The following SPTLC3 variants were observed in gnomAD, a reference collection of about 807,000 sequenced individuals.
SPTLC3 encodes serine palmitoyltransferase long chain base subunit 3, also known as serine palmitoyltransferase 3.
SPTLC3 carries 36 observed loss-of-function variants against 59.3 expected under a neutral mutation model. That is an observed-to-expected ratio of 0.61 (90% confidence interval 0.47 to 0.80). The LOEUF is 0.80. Ranked by LOEUF, SPTLC3 falls within the 30% of genes least tolerant of loss-of-function variation. The pLI is 0.00. For missense variants in SPTLC3, 625 were observed against 685.1 expected, an observed-to-expected ratio of 0.91 and a Z score of 0.98; for synonymous variants, 257 against 240.8, an observed-to-expected ratio of 1.07 and a Z score of -0.62.
intron 8 of SPTLC3, among the ~76,000 whole-genome samples, chr20:13,120,711 C>T (rs1990856721): frequency 6.6e-6 from 1 of 152,194 alleles, no homozygotes; most frequent in Non-Finnish European, 1.5e-5. Flanking sequence ...GACGATACTA[C>T]TAGAGGAAAC....
At chr20:13,109,101 A>G (rs1485835009) in intron 6 of SPTLC3, among the ~76,000 whole-genome samples, 1 of 152,236 alleles carries the variant, frequency 6.6e-6, no homozygotes, top group Non-Finnish European at 1.5e-5. Context: ...ACACATGTAC[A>G]TATATACCAA....
intron 1 of SPTLC3, among the ~76,000 whole-genome samples, chr20:13,022,907 G>T (rs148469865): frequency 8.3e-4 from 126 of 152,118 alleles, no homozygotes; most frequent in Non-Finnish European, 1.6e-3. Context: ...TACTTACCAC[G>T]ACCATAAGGC....
intron 1 of SPTLC3, among the ~76,000 whole-genome samples, chr20:13,032,417 A>T (rs1302193469): frequency 6.6e-6 from 1 of 152,176 alleles, no homozygotes; most frequent in African/African-American, 2.4e-5. Context: ...TTTCTTTCAC[A>T]ACTACCTGAA....
At chr20:13,045,254 G>A (rs924715970) in intron 1 of SPTLC3, among the ~76,000 whole-genome samples, 1 of 152,068 alleles carries the variant, frequency 6.6e-6, no homozygotes, top group African/African-American at 2.4e-5. Context: ...CATCCCAAAC[G>A]ACTAGATACT....
intron 2 of SPTLC3, among the ~76,000 whole-genome samples, chr20:13,052,231 AG>A (rs1254135449): frequency 2.0e-5 from 3 of 152,152 alleles, no homozygotes; most frequent in Admixed American, 6.5e-5. Flanking sequence ...GGCAAGCCGA[AG>A]CAGGGTGCGG....
Position 13,069,161 on chromosome 20 carries a change from T to C in SPTLC3, c.304-3095T>C, listed in dbSNP as rs1185103454. Among the ~76,000 whole-genome samples, 4 of 152,176 alleles carry C rather than the reference T, an allele frequency of 2.6e-5. No individual in the cohort carries two copies. The East Asian group carries it at 5.8e-4, about 22-fold the overall frequency. ...TAGTCTGGCAACCTGCTGGCCCTAGTTTTCCATATCACGGGCCAGGGTTTT... is the reference window on the plus strand; with the variant it reads ...TAGTCTGGCAACCTGCTGGCCCTAGCTTTCCATATCACGGGCCAGGGTTTT... On this transcript the variant is annotated intron_variant, in intron 2 of 11. Transcript: ENST00000399002.
intron 1 of SPTLC3, among the ~76,000 whole-genome samples, chr20:13,028,578 C>T (rs933019929): frequency 3.3e-5 from 5 of 152,092 alleles, no homozygotes; most frequent in African/African-American, 1.2e-4. Flanking sequence ...ATATGTTACA[C>T]ATATATATCA....
At chr20:13,024,719 T>C (rs937721656) in intron 1 of SPTLC3, among the ~76,000 whole-genome samples, 1 of 152,180 alleles carries the variant, frequency 6.6e-6, no homozygotes, top group Non-Finnish European at 1.5e-5. Flanking sequence ...AACTGGCTAA[T>C]GTGTAAATCA....
intron 1 of SPTLC3, among the ~76,000 whole-genome samples, chr20:13,047,357 C>T (rs1431440): frequency 1 from 151,595 of 152,250 alleles, 75,475 homozygotes; most frequent in Middle Eastern, 1. Flanking sequence ...CAAATGTACA[C>T]GATTTAATAT....
intron 4 of SPTLC3, among the ~76,000 whole-genome samples, chr20:13,086,472 T>C (rs1989008242): frequency 2.0e-5 from 3 of 152,220 alleles, no homozygotes; most frequent in Admixed American, 2.0e-4. Context: ...CCTAGGAATC[T>C]TTCAGGTTTG....
intron 9 of SPTLC3, among the ~76,000 whole-genome samples, chr20:13,127,447 A>G (rs973667108): frequency 6.6e-6 from 1 of 152,150 alleles, no homozygotes; most frequent in African/African-American, 2.4e-5. Context: ...GGACTGTACA[A>G]TCTATGTGCC....
At chr20:13,075,080 A>G (rs1319692055) in intron 4 of SPTLC3, among the ~76,000 whole-genome samples, 2 of 151,554 alleles carry the variant, frequency 1.3e-5, no homozygotes, top group Non-Finnish European at 2.9e-5. Flanking sequence ...GTTCTTATAG[A>G]GTGCTTTTCA....
Position 13,049,108 on chromosome 20 carries a change from C to T in SPTLC3, c.281C>T (p.Ala94Val), listed in dbSNP as rs1404300009. ...RNWGIEKCNA[A>V]VERKEQKDFV... Reference sequence around the variant, plus strand: ...TGGGGAATAGAAAAATGCAACGCAGCTGTGGAAAGAAAAGAACAAAAAGTA... The same window carrying T: ...TGGGGAATAGAAAAATGCAACGCAGTTGTGGAAAGAAAAGAACAAAAAGTA... The change falls in exon 2 of 12, where the codon GCT (alanine) becomes GTT (valine). Residue 94 changes from alanine to valine, a missense_variant. Physicochemically the swap from Ala to Val is moderately conservative, Grantham distance 64 (BLOSUM62 0). Transcript: ENST00000399002. The T allele has an allele frequency of 1.2e-6, 2 of 1,613,550 alleles. No homozygotes were observed. The highest frequency in any genetic ancestry group is 1.1e-5 in the South Asian group (1 of 91,026).
chr20:13,093,126 G>T (rs1989287940), intron 5 of SPTLC3, among the ~76,000 whole-genome samples: 1 of 152,150 alleles, frequency 6.6e-6, no homozygotes, highest in African/African-American at 2.4e-5. Flanking sequence ...AATCTCTCAT[G>T]GAAGTGCCCC....
rs573944233 is a variant in SPTLC3 at position 13,145,276 on chromosome 20, C to T, written c.1280-8727C>T. 9.2e-5 allele frequency among the ~76,000 whole-genome samples: 14 copies of T among 152,210 alleles called. 1 individual carries two copies. In the South Asian group the frequency reaches 2.7e-3, roughly 29 times the overall value. On this transcript the variant is annotated intron_variant, in intron 9 of 11. Transcript: ENST00000399002. ...GCCCCAAAGCCCCTCAGCTGATAAA[C>T]GACTTCAGCAAAGTTGCAGGAAACA...
chr20:13,037,888 C>T (rs539832242), intron 1 of SPTLC3, among the ~76,000 whole-genome samples: 38 of 152,050 alleles, frequency 2.5e-4, no homozygotes, highest in African/African-American at 8.0e-4. Flanking sequence ...CAAGATTCAA[C>T]GGTAGAGGAA....
intron 9 of SPTLC3, among the ~76,000 whole-genome samples, chr20:13,150,513 C>T (rs542318165): frequency 2.5e-4 from 38 of 152,302 alleles, no homozygotes; most frequent in Non-Finnish European, 5.0e-4. Context: ...AGAGTTCCAT[C>T]CAGGGACTCC....
intron 11 of SPTLC3, among the ~76,000 whole-genome samples, chr20:13,161,261 T>C (rs1234935656): frequency 6.6e-6 from 1 of 152,120 alleles, no homozygotes; most frequent in Non-Finnish European, 1.5e-5. Flanking sequence ...AGGTATACAG[T>C]AAGGAACAGC....
chr20:13,117,711 A>G lies in SPTLC3; in HGVS notation c.1138A>G (p.Ile380Val), dbSNP rs751461819. The change falls in exon 8 of 12, where the codon ATA becomes GTA. Residue 380 changes from isoleucine to valine, a missense_variant. Transcript: ENST00000399002. ...AAGTTTTGGAGCTTCAGGAGGTTACATAGCTGGAAGGAAGGTAAGAGAGGG... is the reference window on the plus strand; with the variant it reads ...AAGTTTTGGAGCTTCAGGAGGTTACGTAGCTGGAAGGAAGGTAAGAGAGGG... ...TKSFGASGGY[I>V]AGRKDLVDYL... The G allele has an allele frequency of 5.2e-5, 84 of 1,611,202 alleles. No individual in the cohort carries two copies. The highest frequency in any genetic ancestry group is 7.0e-5 in the Non-Finnish European group (82 of 1,179,010).
Sources: gnomAD v4.1 joint callset for allele counts (sites outside exome capture counted in the v4.1 genomes callset) on GRCh38, gnomAD v4.1.1 for gene constraint, MANE v1.5 for transcripts, NCBI Gene and HGNC (gene_info 2026-07-23, HGNC 2026-07-21) for gene names.